Variants in PTPRT observed in about 807,000 individuals in gnomAD.
The protein encoded by PTPRT is receptor-type tyrosine-protein phosphatase T.
Under a neutral mutation model 176.8 loss-of-function variants are expected in PTPRT, and 56 were observed. That is an observed-to-expected ratio of 0.32 (90% CI 0.26 to 0.40). The LOEUF is 0.40. Ranked by LOEUF, PTPRT falls within the 10% of genes least tolerant of loss-of-function variation. PTPRT has a pLI of 1.00. For synonymous variants in PTPRT, 783 were observed against 739.0 expected (o/e 1.06, Z -0.96); for missense variants, 1,540 against 1,908.2 (o/e 0.81, Z 3.60).
chr20:43,187,687 T>C (rs759783479), intron 1 of PTPRT, among the ~76,000 whole-genome samples: 1 of 152,170 alleles, frequency 6.6e-6, no homozygotes, highest in Non-Finnish European at 1.5e-5. Context: ...GAAACCACCC[T>C]GCCCAGGTAG....
intron 6 of PTPRT, among the ~76,000 whole-genome samples, chr20:42,753,413 A>C (rs1463793221): frequency 6.6e-6 from 1 of 152,230 alleles, no homozygotes; most frequent in Non-Finnish European, 1.5e-5. Context: ...CATAATATTT[A>C]AATGGAGGAA....
intron 1 of PTPRT, among the ~76,000 whole-genome samples, chr20:42,964,548 G>A (rs139984890): frequency 1.9e-3 from 287 of 152,086 alleles, no homozygotes; most frequent in Non-Finnish European, 2.6e-3. Context: ...TACAGTAATA[G>A]TTTGAGAATT....
At chr20:43,024,772 C>T (rs368446046) in intron 1 of PTPRT, among the ~76,000 whole-genome samples, 7 of 152,206 alleles carry the variant, frequency 4.6e-5, no homozygotes, top group African/African-American at 1.7e-4. Context: ...GAGACTCTTC[C>T]AAGATCATCC....
chr20:43,139,947 T>C (rs2146397798), intron 1 of PTPRT, among the ~76,000 whole-genome samples: 1 of 152,316 alleles, frequency 6.6e-6, no homozygotes, highest in South Asian at 2.1e-4. Context: ...AAATGCTTTT[T>C]AGAACATTTG....
chr20:42,236,654 G>C (rs1042785598), intron 14 of PTPRT, among the ~76,000 whole-genome samples: 1 of 150,098 alleles, frequency 6.7e-6, no homozygotes, highest in Non-Finnish European at 1.5e-5. Context: ...GCTCTCTGTG[G>C]CTTCCTGGGA....
intron 1 of PTPRT, among the ~76,000 whole-genome samples, chr20:42,909,910 C>A (rs1600547104): frequency 6.6e-6 from 1 of 152,290 alleles, no homozygotes; most frequent in East Asian, 1.9e-4. Context: ...CAGACTTTTC[C>A]TAGTTTGTTA....
intron 9 of PTPRT, among the ~76,000 whole-genome samples, chr20:42,373,323 T>G (rs1490875135): frequency 1.3e-5 from 2 of 152,226 alleles, no homozygotes; most frequent in African/African-American, 4.8e-5. Flanking sequence ...GGAAGCATTT[T>G]GAGGACAGAG....
intron 26 of PTPRT, among the ~76,000 whole-genome samples, chr20:42,100,028 G>C (rs1985773715): frequency 6.6e-6 from 1 of 152,212 alleles, no homozygotes; most frequent in African/African-American, 2.4e-5. Context: ...CCATTTCTGA[G>C]CTACTTGACC....
At position 42,881,800 on chromosome 20, in the gene PTPRT, T is replaced by C. The variant is rs188470758; in HGVS notation, c.214+4007A>G. Among the ~76,000 whole-genome samples the C allele has an allele frequency of 4.4e-3, 639 of 146,762 alleles. 6 individuals carry two copies. Among genetic ancestry groups the C allele is most frequent in the African/African-American group, 0.014 (571 of 39,698 alleles). ...AAAGAGAAATCAACAAAGTGAAGAATTGAGAAAACAAATTCTGGTGAGAAG... is the reference window on the plus strand; with the variant it reads ...AAAGAGAAATCAACAAAGTGAAGAACTGAGAAAACAAATTCTGGTGAGAAG... On this transcript the variant is annotated intron_variant, in intron 2 of 30. Transcript: ENST00000373187.
Position 42,899,651 on chromosome 20 carries a change from G to A in PTPRT, c.89-13719C>T, listed in dbSNP as rs182472010. ...CCCACTACCAGCCTAAGTCTACCAG[G>A]GCAGGAAGTGTGCATCCCTTTTATT... On this transcript the variant is annotated intron_variant, in intron 1 of 30. Transcript: ENST00000373187. 1.1e-4 allele frequency among the ~76,000 whole-genome samples: 17 copies of A among 152,210 alleles called. No individual in the cohort carries two copies. In the East Asian group the frequency reaches 3.3e-3, roughly 29 times the overall value.
intron 27 of PTPRT, among the ~76,000 whole-genome samples, chr20:42,091,272 A>C (rs1386025892): frequency 2.0e-5 from 3 of 152,174 alleles, no homozygotes; most frequent in African/African-American, 7.2e-5. Context: ...TGGGGGGTGC[A>C]AGTTCACGTG....
chr20:42,279,366 G>T (rs1458139542), intron 13 of PTPRT, among the ~76,000 whole-genome samples: 1 of 152,034 alleles, frequency 6.6e-6, no homozygotes, highest in Non-Finnish European at 1.5e-5. Context: ...GCAGTGATCA[G>T]GGTGGCGCTT....
intron 7 of PTPRT, among the ~76,000 whole-genome samples, chr20:42,538,998 T>G (rs1375372157): frequency 6.6e-6 from 1 of 152,222 alleles, no homozygotes; most frequent in Admixed American, 6.5e-5. Flanking sequence ...GTATTTCACA[T>G]TGATTTATGT....
rs2664587 is a variant in PTPRT, at chr20:42,074,172, G to A, written c.*6707C>T. ...CTCTAAGCCTCCAGACTGCCCTGGG[G>A]CCTTTGACCCAAAGAACACCTGACA... On this transcript the variant is annotated 3_prime_UTR_variant, in exon 31 of 31. Coordinates refer to ENST00000373187, the MANE Select transcript of PTPRT (RefSeq NM_007050.6). 88,844 of 227,418 alleles carry A rather than the reference G, an allele frequency of 0.39. 17,678 individuals are homozygous for A. Among genetic ancestry groups the A allele is most frequent in the Admixed American group, 0.46 (8,128 of 17,588 alleles). The allele number at this position is 227,418 out of a possible 1,614,324, so 14.1% of individuals were successfully genotyped here.
intron 1 of PTPRT, among the ~76,000 whole-genome samples, chr20:42,972,561 G>A (rs915099675): frequency 2.6e-5 from 4 of 151,470 alleles, no homozygotes; most frequent in Admixed American, 2.6e-4. Context: ...TACTCAGGAG[G>A]CTGAGGCATG....
chr20:42,322,229 T>C (rs1463176060), intron 11 of PTPRT, among the ~76,000 whole-genome samples: 1 of 151,570 alleles, frequency 6.6e-6, no homozygotes, highest in East Asian at 1.9e-4. Context: ...AAGTTACCAA[T>C]GACTTTCTTC....
At chr20:42,941,991 TAA>T (rs879519310) in intron 1 of PTPRT, among the ~76,000 whole-genome samples, 1 of 141,488 alleles carries the variant, frequency 7.1e-6, no homozygotes, top group African/African-American at 2.6e-5. Flanking sequence ...TTCCTCCCAT[TAA>T]AAAAAAAAAG....
intron 1 of PTPRT, among the ~76,000 whole-genome samples, chr20:43,112,281 A>G (rs2012896209): frequency 6.6e-6 from 1 of 152,198 alleles, no homozygotes; most frequent in African/African-American, 2.4e-5. Context: ...CCTAAAAGTC[A>G]AACTCATAAA....
At chr20:42,386,124 T>C (rs910866748) in intron 9 of PTPRT, among the ~76,000 whole-genome samples, 4 of 152,188 alleles carry the variant, frequency 2.6e-5, no homozygotes, top group African/African-American at 7.2e-5. Context: ...CATGATTATA[T>C]GAAAAGCATG....
Sources: allele counts gnomAD v4.1 joint callset (sites outside exome capture counted in the v4.1 genomes callset), GRCh38; gene constraint gnomAD v4.1.1; transcripts MANE v1.5; gene names NCBI Gene and HGNC (gene_info 2026-07-23, HGNC 2026-07-21).